CNTN5: variants seen among roughly 807,000 people sequenced by gnomAD.
CNTN5 encodes the protein contactin-5.
A neutral mutation model predicts 129.1 loss-of-function variants in CNTN5; 77 were observed. The ratio of observed to expected loss-of-function variants is 0.60; its 90% CI spans 0.50 to 0.72. The LOEUF (loss-of-function observed/expected upper bound fraction) is 0.72. CNTN5 is among the 30% of genes least tolerant of loss of function. CNTN5 has a pLI of 0.00. For synonymous variants in CNTN5, 509 were observed against 465.6 expected (o/e 1.09, Z -1.20); for missense variants, 1,478 against 1,328.8 (o/e 1.11, Z -1.75).
intron 9 of CNTN5, among the ~76,000 whole-genome samples, chr11:100,026,477 G>A (rs1941423402): frequency 6.6e-6 from 1 of 152,104 alleles, no homozygotes; most frequent in South Asian, 2.1e-4. Flanking sequence ...TTTCCAAAAT[G>A]ACTGTACTAT....
At chr11:99,510,201 C>G (rs1310139830) in intron 2 of CNTN5, among the ~76,000 whole-genome samples, 1 of 151,800 alleles carries the variant, frequency 6.6e-6, no homozygotes, top group Admixed American at 6.6e-5. Flanking sequence ...AATGGGGCAA[C>G]AAGTATATAA....
In CNTN5 at chr11:99,774,433, A is replaced by T. The variant is rs1297724769; in HGVS notation, c.56-45111A>T. Among the ~76,000 whole-genome samples, 6 of 151,810 alleles carry T rather than the reference A, an allele frequency of 4.0e-5. No homozygotes were observed. In the East Asian group the frequency reaches 1.2e-3, roughly 29 times the overall value. On this transcript the variant is annotated intron_variant, in intron 3 of 24. Coordinates refer to ENST00000524871, the MANE Select transcript of CNTN5 (RefSeq NM_014361.4). Reference sequence around the variant, plus strand: ...TTATAAAGTTTGTGTGTCTCATGAGATCTTAAAGATAGAAACAACTTTAAT... The same window carrying T: ...TTATAAAGTTTGTGTGTCTCATGAGTTCTTAAAGATAGAAACAACTTTAAT...
chr11:99,529,840 G>C (rs1306642940), intron 2 of CNTN5, among the ~76,000 whole-genome samples: 1 of 151,954 alleles, frequency 6.6e-6, no homozygotes, highest in Non-Finnish European at 1.5e-5. Context: ...GTGGAGTATG[G>C]AAAAGAAAAA....
At chr11:99,695,784 A>G (rs1954243019) in intron 3 of CNTN5, among the ~76,000 whole-genome samples, 2 of 152,058 alleles carry the variant, frequency 1.3e-5, no homozygotes, top group Non-Finnish European at 2.9e-5. Context: ...TGACAACCTG[A>G]GTTCAAATCT....
At chr11:99,828,810 A>G (rs916846198) in intron 4 of CNTN5, among the ~76,000 whole-genome samples, 24 of 152,182 alleles carry the variant, frequency 1.6e-4, no homozygotes, top group African/African-American at 5.5e-4. Context: ...GATGTATTTT[A>G]GTCACAGATA....
chr11:99,456,655 A>C lies in CNTN5; in HGVS notation c.-70-99490A>C, dbSNP rs1445733744. On this transcript the variant is annotated intron_variant, in intron 2 of 24. Coordinates refer to ENST00000524871, the MANE Select transcript of CNTN5 (RefSeq NM_014361.4). Reference sequence around the variant, plus strand: ...ATTTTTCTATGCTGCCTTTCCAACTATTTGTTCTTTTAACATTTGAGATTG... The same window carrying C: ...ATTTTTCTATGCTGCCTTTCCAACTCTTTGTTCTTTTAACATTTGAGATTG... Among the ~76,000 whole-genome samples, 3 of 152,086 alleles carry C rather than the reference A, an allele frequency of 2.0e-5. No homozygotes were observed. In the East Asian group the frequency reaches 5.8e-4, roughly 29 times the overall value.
At chr11:99,502,020 T>A (rs1378590742) in intron 2 of CNTN5, among the ~76,000 whole-genome samples, 1 of 152,196 alleles carries the variant, frequency 6.6e-6, no homozygotes, top group African/African-American at 2.4e-5. Flanking sequence ...TCTTCTGAAA[T>A]TGCCCCTGCA....
At chr11:99,539,945 C>T (rs909724423) in intron 2 of CNTN5, among the ~76,000 whole-genome samples, 1 of 152,066 alleles carries the variant, frequency 6.6e-6, no homozygotes, top group African/African-American at 2.4e-5. Flanking sequence ...ATCTTAGGTG[C>T]TTTCTTCTTT....
At chr11:100,178,655 A>C (rs1948040856) in intron 13 of CNTN5, among the ~76,000 whole-genome samples, 1 of 152,158 alleles carries the variant, frequency 6.6e-6, no homozygotes, top group African/African-American at 2.4e-5. Context: ...ACATAGTAAG[A>C]TTGTGTTTCC....
chr11:99,151,281 T>G (rs1419639287), intron 1 of CNTN5, among the ~76,000 whole-genome samples: 16 of 152,164 alleles, frequency 1.1e-4, no homozygotes. Flanking sequence ...TACATGCATT[T>G]GTGTGTGCAT....
chr11:100,112,108 T>C (rs1436396380), intron 13 of CNTN5, among the ~76,000 whole-genome samples: 1 of 152,150 alleles, frequency 6.6e-6, no homozygotes, highest in Admixed American at 6.6e-5. Flanking sequence ...ATGACGTGCT[T>C]TAGCCAATGA....
chr11:99,160,040 G>A (rs1860535033), intron 1 of CNTN5, among the ~76,000 whole-genome samples: 1 of 152,074 alleles, frequency 6.6e-6, no homozygotes, highest in African/African-American at 2.4e-5. Context: ...GTGTTCATGA[G>A]ATTTAAACTA....
chr11:99,303,612 G>A (rs1864741837), intron 1 of CNTN5, among the ~76,000 whole-genome samples: 1 of 151,232 alleles, frequency 6.6e-6, no homozygotes, highest in African/African-American at 2.4e-5. Flanking sequence ...CTAAACACTG[G>A]CTGTACCCTC....
chr11:100,149,677 G>A (rs1361415625), intron 13 of CNTN5, among the ~76,000 whole-genome samples: 2 of 151,864 alleles, frequency 1.3e-5, no homozygotes, highest in Non-Finnish European at 2.9e-5. Flanking sequence ...CGGATCACGA[G>A]GTCAGGAGAT....
At chr11:100,050,170 G>C (rs1381537178) in intron 9 of CNTN5, among the ~76,000 whole-genome samples, 2 of 152,110 alleles carry the variant, frequency 1.3e-5, no homozygotes, top group Admixed American at 1.3e-4. Flanking sequence ...AAAGACACAT[G>C]CACACGTATG....
At chr11:100,347,810 T>C (rs1409527005) in intron 23 of CNTN5, among the ~76,000 whole-genome samples, 1 of 152,054 alleles carries the variant, frequency 6.6e-6, no homozygotes, top group Non-Finnish European at 1.5e-5. Context: ...ACCCATCAAT[T>C]CTTCCGAAGA....
intron 16 of CNTN5, 164 bp downstream of exon 16, chr11:100,224,976 G>A: frequency 3.4e-6 from 2 of 596,156 alleles, no homozygotes; most frequent in African/African-American, 1.8e-5. Context: ...AAAATTACAT[G>A]GAAAACTCCT....
chr11:100,168,554 C>T (rs1010712830), intron 13 of CNTN5, among the ~76,000 whole-genome samples: 4 of 151,944 alleles, frequency 2.6e-5, no homozygotes, highest in African/African-American at 9.7e-5. Flanking sequence ...TTTAAGCCCA[C>T]TGTTGAGAAA....
At chr11:99,503,981 T>G (rs2135390460) in intron 2 of CNTN5, among the ~76,000 whole-genome samples, 1 of 152,304 alleles carries the variant, frequency 6.6e-6, no homozygotes, top group African/African-American at 2.4e-5. Context: ...ATGTTACTTT[T>G]TAATATTCAT....
Sources: allele counts gnomAD v4.1 joint callset (sites outside exome capture counted in the v4.1 genomes callset), GRCh38; gene constraint gnomAD v4.1.1; transcripts MANE v1.5; gene names NCBI Gene and HGNC (gene_info 2026-07-23, HGNC 2026-07-21).